The following LRRK1 variants were observed in gnomAD, a reference collection of about 807,000 sequenced individuals.
The protein encoded by LRRK1 is leucine rich repeat kinase 1, also known as leucine-rich repeat serine/threonine-protein kinase 1.
Under a neutral mutation model 209.1 loss-of-function variants are expected in LRRK1, and 113 were observed. The observed-to-expected ratio is 0.54, with a 90% CI of 0.46 to 0.63. The LOEUF (loss-of-function observed/expected upper bound fraction) is 0.63, where lower values mean the gene tolerates loss of function less well. Among genes scored for constraint, LRRK1 ranks in the 30% least tolerant of loss-of-function variants. LRRK1 has a pLI of 0.00. For missense variants in LRRK1, 2,284 were observed against 2,632.2 expected (o/e 0.87, Z 2.89); for synonymous variants, 1,144 against 1,099.7 (o/e 1.04, Z -0.80).
rs2036031268 is a variant in LRRK1 at position 101,059,548 on chromosome 15, G to A, written c.4679+1407G>A. Among the ~76,000 whole-genome samples, 3 of 146,978 alleles carry A rather than the reference G, an allele frequency of 2.0e-5. No individual in the cohort carries two copies. The East Asian group carries it at 5.8e-4, about 28-fold the overall frequency. ...AGCACTGTTATGATTGTTACTCTAA[G>A]ATGCTGCTTGTGGTTGTGGAGTCAG... is the stretch of plus-strand genomic sequence containing the variant. On this transcript the variant is annotated intron_variant, in intron 29 of 33. Transcript: ENST00000388948.
chr15:100,962,089 C>A (rs1254768202), intron 2 of LRRK1, among the ~76,000 whole-genome samples: 1 of 152,176 alleles, frequency 6.6e-6, no homozygotes, highest in East Asian at 1.9e-4. Context: ...GATAATACCA[C>A]TGAAGAACTG....
At position 101,037,086 on chromosome 15, in the gene LRRK1, G is replaced by A. The variant is rs544466579; in HGVS notation, c.2963+7854G>A. Among the ~76,000 whole-genome samples, 7 of 152,292 alleles carry A rather than the reference G, an allele frequency of 4.6e-5. No homozygotes were observed. The South Asian group carries it at 1.2e-3, about 27-fold the overall frequency. On this transcript the variant is annotated intron_variant, in intron 20 of 33. Coordinates refer to ENST00000388948, the MANE Select transcript of LRRK1 (RefSeq NM_024652.6). ...AGACAGGCCTATTCTTGGGCTTCCA[G>A]GAGGCTTACTTGGATGTTGGTAGTG...
chr15:101,028,125 C>G (rs536726703), intron 19 of LRRK1, among the ~76,000 whole-genome samples: 16 of 150,878 alleles, frequency 1.1e-4, no homozygotes, highest in African/African-American at 3.9e-4. Flanking sequence ...CAGGACTTAA[C>G]GTTCTGTAAA....
Position 100,934,873 on chromosome 15 carries a change from G to A in LRRK1, c.97+10144G>A, listed in dbSNP as rs538504234. On this transcript the variant is annotated intron_variant, in intron 2 of 33. Transcript: ENST00000388948. ...GATGCTCAATGAAGCATTAGAGTAA[G>A]ATCATGTACAAAAGAGGCACAGTGT... 5.3e-5 allele frequency among the ~76,000 whole-genome samples: 8 copies of A among 151,524 alleles called. No homozygotes were observed. The South Asian group carries it at 1.7e-3, about 32-fold the overall frequency.
chr15:100,988,454 C>T, intron 4 of LRRK1, 180 bp from the exon 5 acceptor site: 1 of 665,144 alleles, frequency 1.5e-6, no homozygotes, highest in East Asian at 2.5e-5. Context: ...CAGCTCCATC[C>T]ATGATGCTGC....
chr15:100,929,298 C>T (rs1163730905), intron 2 of LRRK1, among the ~76,000 whole-genome samples: 1 of 152,038 alleles, frequency 6.6e-6, no homozygotes, highest in Non-Finnish European at 1.5e-5. Flanking sequence ...TGTGAGTGGC[C>T]GTCGCTTCGG....
chr15:101,043,109 A>G (rs2034855579), intron 20 of LRRK1, among the ~76,000 whole-genome samples: 1 of 152,220 alleles, frequency 6.6e-6, no homozygotes, highest in Non-Finnish European at 1.5e-5. Context: ...ATCCAAATCC[A>G]CAGAATGTTG....
chr15:100,973,739 G>A (rs894332036), intron 2 of LRRK1, 65 bp from the exon 3 acceptor site: 13 of 1,243,140 alleles, frequency 1.0e-5, no homozygotes, highest in Non-Finnish European at 1.2e-5. Flanking sequence ...GTGTTCCACG[G>A]TGATTCTCAA....
intron 1 of LRRK1, chr15:100,920,131 G>A (rs1234057680): frequency 6.5e-6 from 1 of 153,006 alleles, no homozygotes; most frequent in Non-Finnish European, 1.5e-5. Flanking sequence ...AGGAAGCCTA[G>A]GAAGGCCGGG....
intron 31 of LRRK1, among the ~76,000 whole-genome samples, chr15:101,063,810 TA>T (rs3835122): frequency 0.36 from 52,323 of 146,564 alleles, 9,122 homozygotes; most frequent in African/African-American, 0.42. Flanking sequence ...CAGTTTCATT[TA>T]AAAAAAAAAA....
At chr15:100,986,921 C>G (rs1185989298) in intron 4 of LRRK1, among the ~76,000 whole-genome samples, 2 of 152,176 alleles carry the variant, frequency 1.3e-5, no homozygotes, top group Non-Finnish European at 2.9e-5. Flanking sequence ...ATTTCCAAAC[C>G]TCTCTGAGCT....
intron 3 of LRRK1, among the ~76,000 whole-genome samples, chr15:100,975,093 G>A (rs1202441315): frequency 1.3e-5 from 2 of 152,232 alleles, no homozygotes; most frequent in African/African-American, 4.8e-5. Flanking sequence ...CTCTGATTAG[G>A]AATTCATGGT....
At chr15:100,934,953 C>T (rs1396974119) in intron 2 of LRRK1, among the ~76,000 whole-genome samples, 4 of 152,050 alleles carry the variant, frequency 2.6e-5, no homozygotes, top group African/African-American at 9.7e-5. Context: ...CAGGTCTGCT[C>T]AGTTGACCAG....
At chr15:101,062,351 A>ATTATCTC in intron 30 of LRRK1, 1 of 466,876 alleles carries the variant, frequency 2.1e-6, no homozygotes, top group East Asian at 3.7e-5. Flanking sequence ...TGGGGAATAG[A>ATTATCTC]TGACGGGCTA....
intron 2 of LRRK1, among the ~76,000 whole-genome samples, chr15:100,967,679 A>G (rs1373993657): frequency 2.0e-5 from 3 of 152,206 alleles, no homozygotes; most frequent in African/African-American, 7.2e-5. Flanking sequence ...AATTTCAAAC[A>G]TACACTAAAG....
In LRRK1 at chr15:100,976,235, A is replaced by G. The variant is rs8025043; in HGVS notation, c.261+2268A>G. Reference sequence around the variant, plus strand: ...ATGGTTTTACTGGTGTGTTCTACCAATAATATAATCACTTGTCCAGAAAAT... The same window carrying G: ...ATGGTTTTACTGGTGTGTTCTACCAGTAATATAATCACTTGTCCAGAAAAT... On this transcript the variant is annotated intron_variant, in intron 3 of 33. Transcript: ENST00000388948. Among the ~76,000 whole-genome samples the G allele has an allele frequency of 7.8e-3, 1,191 of 152,312 alleles. 17 individuals carry two copies. The highest frequency in any genetic ancestry group is 0.028 in the African/African-American group (1,144 of 41,574).
intron 20 of LRRK1, among the ~76,000 whole-genome samples, chr15:101,032,319 A>G (rs1392963787): frequency 6.6e-6 from 1 of 151,930 alleles, no homozygotes; most frequent in Non-Finnish European, 1.5e-5. Flanking sequence ...TCTAGGGTAC[A>G]TGTGCACAAC....
At chr15:101,043,876 G>T (rs2034903102) in intron 20 of LRRK1, 1 of 152,176 alleles carries the variant, frequency 6.6e-6, no homozygotes, top group South Asian at 2.1e-4. Context: ...AGGGCCTCCT[G>T]CATGGGAACA....
At chr15:101,061,598 A>G (rs1044953579) in intron 30 of LRRK1, among the ~76,000 whole-genome samples, 1 of 152,184 alleles carries the variant, frequency 6.6e-6, no homozygotes, top group Non-Finnish European at 1.5e-5. Flanking sequence ...TTCCCATAAC[A>G]CTGCTAGTCA....
Sources: gnomAD v4.1 joint callset for allele counts (sites outside exome capture counted in the v4.1 genomes callset) on GRCh38, gnomAD v4.1.1 for gene constraint, MANE v1.5 for transcripts, NCBI Gene and HGNC (gene_info 2026-07-23, HGNC 2026-07-21) for gene names.